GRHL3: variants seen among roughly 807,000 people sequenced by gnomAD.
GRHL3 encodes the protein grainyhead-like protein 3 homolog.
Under a neutral mutation model 70.3 loss-of-function variants are expected in GRHL3, and 20 were observed. The ratio of observed to expected loss-of-function variants is 0.28; its 90% confidence interval spans 0.20 to 0.41. The LOEUF (loss-of-function observed/expected upper bound fraction) is 0.41, where lower values mean the gene tolerates loss of function less well. GRHL3 is among the 10% of genes least tolerant of loss of function. The pLI is 1.00. For missense variants in GRHL3, 637 were observed against 762.3 expected (o/e 0.84, Z 1.94); for synonymous variants, 299 against 299.9 (o/e 1.00, Z 0.03).
At chr1:24,344,742 G>C (rs1463848388) in intron 11 of GRHL3, among the ~76,000 whole-genome samples, 155 bp from the exon 12 acceptor site, 1 of 151,996 alleles carries the variant, frequency 6.6e-6, no homozygotes, top group Non-Finnish European at 1.5e-5. Context: ...GGTCACTTAA[G>C]GGCACTTGTC....
downstream of GRHL3, chr1:24,357,223 G>C (rs922034540): frequency 7.2e-5 from 11 of 152,262 alleles, no homozygotes; most frequent in African/African-American, 2.4e-4. Flanking sequence ...CACTGTGGCT[G>C]TGACGCACCC....
rs3887581 is a variant in GRHL3, at chr1:24,343,304, T to C, written c.1419+279T>C. 110,435 of 405,184 alleles carry C rather than the reference T, an allele frequency of 0.27. 16,418 individuals carry two copies. The highest frequency in any genetic ancestry group is 0.43 in the East Asian group (10,035 of 23,246). The allele number at this position is 405,184 out of a possible 1,614,324, so 25.1% of individuals were successfully genotyped here. ...GAGGCTTCTGATATCTGACCCCAAA[T>C]TTGATTGCAGCCCCATGGAATTCTC... is the stretch of plus-strand genomic sequence containing the variant. On this transcript the variant is annotated intron_variant, in intron 11 of 15. Transcript: ENST00000361548.
downstream of GRHL3, among the ~76,000 whole-genome samples, chr1:24,355,569 G>C (rs574308224): frequency 2.0e-5 from 3 of 152,342 alleles, no homozygotes; most frequent in African/African-American, 7.2e-5. Context: ...ACTCTGCAGA[G>C]AAAGTCCTGG....
In GRHL3 at chr1:24,336,840, C is replaced by T. The variant is rs775035732; in HGVS notation, c.612+13C>T. 6.4e-7 allele frequency: 1 copy of T among 1,564,676 alleles called. No individual in the cohort carries two copies. The highest frequency in any genetic ancestry group is 1.3e-5 in the African/African-American group (1 of 74,090). On this transcript the variant is annotated intron_variant, in intron 4 of 15. Coordinates refer to ENST00000361548, the MANE Select transcript of GRHL3 (RefSeq NM_198173.3). ...TGACCCACAGGAGGTGAGGGCGCATCCCCGCTCCCCTATAGCATAGATATG... is the reference window on the plus strand; with the variant it reads ...TGACCCACAGGAGGTGAGGGCGCATTCCCGCTCCCCTATAGCATAGATATG...
At position 24,322,618 on chromosome 1, in the gene GRHL3, T is replaced by TC. The variant is rs924788469; in HGVS notation, c.17+3052dup. 5.3e-5 allele frequency among the ~76,000 whole-genome samples: 8 copies of TC among 152,118 alleles called. No homozygotes were observed. Among genetic ancestry groups the TC allele is most frequent in the Admixed American group, 3.3e-4 (5 of 15,284 alleles). On this transcript the variant is annotated intron_variant, in intron 1 of 15. Transcript: ENST00000361548. The surrounding 1 kb of genome is among the most constrained non-coding windows in gnomAD (Gnocchi z 4.4). ...CCGGGCGGCGCGGGGGTCCTGCGGC[T>TC]CCGCCAGCTGCTGGGAGCGGGCAGG...
chr1:24,323,161 T>C, intron 1 of GRHL3: 1 of 1,250,448 alleles, frequency 8.0e-7, no homozygotes, highest in Non-Finnish European at 1.1e-6. Context: ...TACAAACCTA[T>C]GTTACCTTTG....
downstream of GRHL3, chr1:24,355,335 C>T (rs1230858916): frequency 3.3e-5 from 5 of 152,566 alleles, no homozygotes; most frequent in Admixed American, 6.5e-5. Context: ...ATGCTGCTCT[C>T]GTTCCTTTTG....
chr1:24,352,835 A>C (rs1262358832), intron 15 of GRHL3, among the ~76,000 whole-genome samples: 1 of 152,184 alleles, frequency 6.6e-6, no homozygotes, highest in African/African-American at 2.4e-5. Context: ...AAGAAAGGGG[A>C]GCCTATGATT....
rs1026014410 is a variant in GRHL3 at position 24,342,543 on chromosome 1, G to A, written c.1207-151G>A. Reference sequence around the variant, plus strand: ...AGGCCCCACTGGCCAGGCTGGGCCAGGTAAGTGCTGGTACCTTCCCATTTC... The same window carrying A: ...AGGCCCCACTGGCCAGGCTGGGCCAAGTAAGTGCTGGTACCTTCCCATTTC... On this transcript the variant is annotated intron_variant, in intron 9 of 15. Transcript: ENST00000361548. This position sits in a 1 kb window ranked among gnomAD's most constrained non-coding sequence, Gnocchi z 4.8. The A allele has an allele frequency of 1.1e-5, 9 of 822,918 alleles. No homozygotes were observed. Among genetic ancestry groups the A allele is most frequent in the Admixed American group, 6.2e-5 (3 of 48,488 alleles). The allele number at this position is 822,918 out of a possible 1,614,324, so 51.0% of individuals were successfully genotyped here.
chr1:24,347,662 G>A (rs540075387), intron 14 of GRHL3, 109 bp downstream of exon 14: 7 of 906,630 alleles, frequency 7.7e-6, no homozygotes, highest in Admixed American at 1.9e-5. Flanking sequence ...TTGGCATGCC[G>A]GTGGCCTACC....
intron 8 of GRHL3, among the ~76,000 whole-genome samples, chr1:24,341,052 C>A (rs930643258): frequency 3.3e-5 from 5 of 151,970 alleles, no homozygotes; most frequent in Non-Finnish European, 5.9e-5. Flanking sequence ...TCAGACACAC[C>A]CCCCCACATC....
rs1383925610 is a variant in GRHL3 at position 24,354,670 on chromosome 1, G to C, written c.*182G>C. On this transcript the variant is annotated 3_prime_UTR_variant, in exon 16 of 16. Transcript: ENST00000361548. ...CAGGGAGAGACCTAGGGGGTCCCCTGGCCTGGATCCCCATGGTATGCTTGA... is the reference window on the plus strand; with the variant it reads ...CAGGGAGAGACCTAGGGGGTCCCCTCGCCTGGATCCCCATGGTATGCTTGA... 3.3e-5 allele frequency: 18 copies of C among 542,516 alleles called. No homozygotes were observed. The highest frequency in any genetic ancestry group is 3.3e-6 in the Non-Finnish European group (1 of 301,642). 33.6% of individuals were successfully genotyped at this position (542,516 alleles called of 1,614,324 possible).
rs1279377041 is a variant in GRHL3, at chr1:24,354,649, G to A, written c.*161G>A. ...CAGACCCACAGACGTCAGGGCCAGG[G>A]AGAGACCTAGGGGGTCCCCTGGCCT... On this transcript the variant is annotated 3_prime_UTR_variant, in exon 16 of 16. Coordinates refer to ENST00000361548, the MANE Select transcript of GRHL3 (RefSeq NM_198173.3). 4 of 580,460 alleles carry A rather than the reference G, an allele frequency of 6.9e-6. No individual in the cohort carries two copies. In the East Asian group the frequency reaches 1.2e-4, roughly 17 times the overall value. 36.0% of individuals were successfully genotyped at this position (580,460 alleles called of 1,614,324 possible). A position where few individuals can be genotyped will look rare whatever the true frequency, so the allele number is the denominator to read the frequency against.
In GRHL3 at chr1:24,341,684, C is replaced by A. The variant is rs188469827; in HGVS notation, c.1048-431C>A. 6.6e-5 allele frequency among the ~76,000 whole-genome samples: 10 copies of A among 152,276 alleles called. No homozygotes were observed. In the East Asian group the frequency reaches 1.5e-3, roughly 24 times the overall value. Reference sequence around the variant, plus strand: ...GTCTCTGGGCCAGCAGGAAAGTGGTCTCCTTGTGCTGGGGACAGGGGACTC... The same window carrying A: ...GTCTCTGGGCCAGCAGGAAAGTGGTATCCTTGTGCTGGGGACAGGGGACTC... On this transcript the variant is annotated intron_variant, in intron 8 of 15. Coordinates refer to ENST00000361548, the MANE Select transcript of GRHL3 (RefSeq NM_198173.3).
At chr1:24,360,967 T>C (rs1641073425) in intron 15 of GRHL3, 3 of 1,613,940 alleles carry the variant, frequency 1.9e-6, no homozygotes, top group Non-Finnish European at 2.5e-6. Context: ...GATCTCATAC[T>C]GACCAGGACC....
At chr1:24,333,726 G>A (rs1299769666) in intron 2 of GRHL3, among the ~76,000 whole-genome samples, 1 of 152,076 alleles carries the variant, frequency 6.6e-6, no homozygotes, top group Admixed American at 6.5e-5. Context: ...TGGATTCAGA[G>A]TCTATGCTTG....
intron 12 of GRHL3, among the ~76,000 whole-genome samples, chr1:24,346,120 A>AC (rs1240818181): frequency 4.7e-5 from 6 of 127,190 alleles, no homozygotes; most frequent in East Asian, 2.5e-4. Context: ...CAGTCCTTCC[A>AC]CCCCCCCACC....
rs368288942 is a variant in GRHL3 at position 24,354,441 on chromosome 1, A to G, written c.1762A>G (p.Met588Val). The G allele has an allele frequency of 7.4e-6, 12 of 1,613,822 alleles. No homozygotes were observed. The African/African-American group carries it at 1.3e-4, about 18-fold the overall frequency. ...CAACCACGTCGCCTTCCTGCTGGACATGGGGGAGCTGGACGGCAAAATTCA... is the reference window on the plus strand; with the variant it reads ...CAACCACGTCGCCTTCCTGCTGGACGTGGGGGAGCTGGACGGCAAAATTCA... ...YSNHVAFLLDMGELDGKIQII... is the reference protein window; with the variant it reads ...YSNHVAFLLDVGELDGKIQII... The change falls in exon 16 of 16, where the codon ATG (methionine) becomes GTG (valine). Residue 588 changes from methionine to valine, a missense_variant. Met to Val is a conservative substitution (Grantham distance 21). This residue lies in a region of GRHL3 where 387 missense variants were observed against 513.8 expected (regional missense o/e 0.75). Transcript: ENST00000361548.
chr1:24,349,107 G>T (rs1452870429), intron 14 of GRHL3, among the ~76,000 whole-genome samples: 1 of 152,152 alleles, frequency 6.6e-6, no homozygotes, highest in African/African-American at 2.4e-5. Flanking sequence ...AGTAAGAGTG[G>T]CCTGTTCGAA....
Sources: allele counts gnomAD v4.1 joint callset (sites outside exome capture counted in the v4.1 genomes callset), GRCh38; gene constraint gnomAD v4.1.1; regional missense constraint gnomAD v4.1.1; non-coding constraint Gnocchi (gnomAD v3.1); transcripts MANE v1.5; gene names NCBI Gene and HGNC (gene_info 2026-07-23, HGNC 2026-07-21).